The following PTK7 variants were observed in gnomAD, a reference collection of about 807,000 sequenced individuals.
PTK7 encodes inactive tyrosine-protein kinase 7.
Under a neutral mutation model 116.6 loss-of-function variants are expected in PTK7, and 39 were observed. The observed-to-expected ratio is 0.33, with a 90% CI of 0.26 to 0.44. The LOEUF (loss-of-function observed/expected upper bound fraction) is 0.44, where lower values mean the gene tolerates loss of function less well. Among genes scored for constraint, PTK7 ranks in the 20% least tolerant of loss-of-function variants. The probability of loss-of-function intolerance (pLI) is 1.00; values close to 1 mark genes in which losing one functional copy is unlikely to be tolerated. For synonymous variants in PTK7, 546 were observed against 563.6 expected (o/e 0.97, Z 0.44); for missense variants, 1,169 against 1,425.6 (o/e 0.82, Z 2.90).
intron 1 of PTK7, among the ~76,000 whole-genome samples, chr6:43,094,861 A>C (rs1171668127): frequency 5.9e-5 from 9 of 151,882 alleles, no homozygotes; most frequent in Admixed American, 5.9e-4. Context: ...CCTGACCAAC[A>C]TGGTGAAACC....
chr6:43,142,227 T>G lies in PTK7; in HGVS notation c.1975T>G (p.Ser659Ala). The G allele has an allele frequency of 6.2e-7, 1 of 1,614,096 alleles. No homozygotes were observed. Among genetic ancestry groups the G allele is most frequent in the Non-Finnish European group, 8.5e-7 (1 of 1,180,028 alleles). Reference protein sequence around the residue: ...LVIHDVAPEDSGRYTCIAGNS... With the variant: ...LVIHDVAPEDAGRYTCIAGNS... Reference sequence around the variant, plus strand: ...GATCCATGACGTGGCCCCTGAGGACTCAGGCCGCTACACCTGCATTGCAGG... The same window carrying G: ...GATCCATGACGTGGCCCCTGAGGACGCAGGCCGCTACACCTGCATTGCAGG... The change falls in exon 13 of 20, where the codon TCA becomes GCA. Residue 659 changes from serine to alanine, a missense_variant. Physicochemically the swap from Ser to Ala is moderately conservative, Grantham distance 99 (BLOSUM62 1). Coordinates refer to ENST00000230419, the MANE Select transcript of PTK7 (RefSeq NM_002821.5).
chr6:43,139,248 C>T lies in PTK7; in HGVS notation c.1475C>T (p.Ala492Val), dbSNP rs747269276. Residue 492 changes from alanine to valine, a missense_variant, in exon 9 of 20, where the codon GCG becomes GTG. Ala to Val is a moderately conservative substitution (Grantham distance 64, BLOSUM62 0). This residue lies in a region of PTK7 where 678 missense variants were observed against 853.8 expected (regional missense o/e 0.79). Transcript: ENST00000230419. This position sits in a 1 kb window ranked among gnomAD's most constrained non-coding sequence, Gnocchi z 4.6. ...AGCACCCCAGCCGGCAGCATCGAGG[C>T]GCAAGCCCGTGTCCAAGTGCTGGGT... ...MSSTPAGSIEAQARVQVLEKL... is the reference protein window; with the variant it reads ...MSSTPAGSIEVQARVQVLEKL... 15 of 1,614,102 alleles carry T rather than the reference C, an allele frequency of 9.3e-6. No individual in the cohort carries two copies. Among genetic ancestry groups the T allele is most frequent in the African/African-American group, 1.3e-5 (1 of 74,942 alleles).
intron 1 of PTK7, among the ~76,000 whole-genome samples, chr6:43,122,868 A>T (rs1274998911): frequency 1.3e-5 from 2 of 151,822 alleles, no homozygotes; most frequent in Non-Finnish European, 2.9e-5. Flanking sequence ...TGGACTCCCA[A>T]AGTGTTGGGA....
At chr6:43,085,423 A>G (rs532827896) in intron 1 of PTK7, among the ~76,000 whole-genome samples, 149 of 151,502 alleles carry the variant, frequency 9.8e-4, no homozygotes, top group Non-Finnish European at 1.6e-3. Context: ...TAATTTTTGT[A>G]TTTTCAGTAG....
intron 1 of PTK7, among the ~76,000 whole-genome samples, chr6:43,102,036 A>C (rs2150391461): frequency 6.6e-6 from 1 of 151,740 alleles, no homozygotes; most frequent in Admixed American, 6.6e-5. Context: ...TTTCTACTAA[A>C]AAAAATACAG....
At chr6:43,128,125 C>T (rs756416593) in intron 1 of PTK7, among the ~76,000 whole-genome samples, 1 of 152,154 alleles carries the variant, frequency 6.6e-6, no homozygotes, top group Non-Finnish European at 1.5e-5. Context: ...CTGGCACCGT[C>T]GAGGGGCATG....
In PTK7 at chr6:43,145,428, A is replaced by C. The variant is rs757347869; in HGVS notation, c.2636A>C (p.Asp879Ala). 1 of 1,563,692 alleles carries C rather than the reference A, an allele frequency of 6.4e-7. No individual in the cohort carries two copies. The highest frequency in any genetic ancestry group is 1.8e-5 in the Admixed American group (1 of 55,788). The change falls in exon 16 of 20, where the codon GAT becomes GCT. Residue 879 changes from aspartate to alanine, a missense_variant. Physicochemically the swap from Asp to Ala is moderately radical, Grantham distance 126. Around this residue, in one of 3 missense-constraint regions of PTK7, gnomAD observed 678 missense variants for 853.8 expected, o/e 0.79. Transcript: ENST00000230419. This position sits in a 1 kb window ranked among gnomAD's most constrained non-coding sequence, Gnocchi z 4.8. ...CACTACATGGTGCTGGAATATGTGG[A>C]TCTGGTATGCTGTTGGCAGGGGACG... ...EPHYMVLEYV[D>A]LGDLKQFLRI... is the part of the protein sequence containing the mutation.
Position 43,145,626 on chromosome 6 carries a change from T to G in PTK7, c.2640+194T>G. On this transcript the variant is annotated intron_variant, in intron 16 of 19. Transcript: ENST00000230419. The surrounding 1 kb of genome is among the most constrained non-coding windows in gnomAD (Gnocchi z 4.8). ...CTTCCCTGCTCTTGGATGCCTGCTTTCCCTTTATCAGCACCCAGTCTTTCC... is the reference window on the plus strand; with the variant it reads ...CTTCCCTGCTCTTGGATGCCTGCTTGCCCTTTATCAGCACCCAGTCTTTCC... 2 of 409,490 alleles carry G rather than the reference T, an allele frequency of 4.9e-6. No individual in the cohort carries two copies. The highest frequency in any genetic ancestry group is 8.6e-6 in the Non-Finnish European group (2 of 231,960). The allele number at this position is 409,490 out of a possible 1,614,324, so 25.4% of individuals were successfully genotyped here. A position where few individuals can be genotyped will look rare whatever the true frequency, so the allele number is the denominator to read the frequency against.
At chr6:43,077,016 C>T in intron 1 of PTK7, 2 of 1,420,716 alleles carry the variant, frequency 1.4e-6, no homozygotes, top group Non-Finnish European at 1.8e-6. Flanking sequence ...GGCCCGATGC[C>T]GGACAGACCT....
intron 1 of PTK7, among the ~76,000 whole-genome samples, chr6:43,077,574 C>G (rs1340277050): frequency 1.3e-5 from 2 of 152,112 alleles, no homozygotes; most frequent in Non-Finnish European, 2.9e-5. Context: ...CAGGAAAGCA[C>G]CAAGCCACCC....
chr6:43,127,983 C>T (rs1431766086), intron 1 of PTK7, among the ~76,000 whole-genome samples: 7 of 151,912 alleles, frequency 4.6e-5, no homozygotes. Flanking sequence ...TTGGCAGTAG[C>T]CCAGGTTTCT....
At chr6:43,114,915 G>A (rs185200479) in intron 1 of PTK7, among the ~76,000 whole-genome samples, 165 of 152,140 alleles carry the variant, frequency 1.1e-3, no homozygotes, top group African/African-American at 3.5e-3. Flanking sequence ...GGTGGCACGT[G>A]CCTGTAATCC....
At position 43,142,030 on chromosome 6, in the gene PTK7, TTCAGTGGAA is replaced by T; in HGVS notation, c.1869_1877del (p.Gln624_Lys626del). ...GCCCAGGGGGACCCCAAGCCGCTGA[TTCAGTGGAA>T]AGGCAAGGACCGCATCCTGGACCCC... On this transcript the variant is annotated inframe_deletion, in exon 12 of 20. Transcript: ENST00000230419. The T allele has an allele frequency of 6.2e-7, 1 of 1,613,824 alleles. No individual in the cohort carries two copies.
chr6:43,111,837 C>CTTT (rs34582469), intron 1 of PTK7, among the ~76,000 whole-genome samples: 5,781 of 137,152 alleles, frequency 0.042, 143 homozygotes, highest in South Asian at 0.056. Flanking sequence ...CCAGCTAATT[C>CTTT]TTTTTTTTTT....
chr6:43,136,334 C>CAA (rs59556544), intron 7 of PTK7, among the ~76,000 whole-genome samples: 7 of 133,368 alleles, frequency 5.2e-5, no homozygotes, highest in African/African-American at 1.3e-4. Flanking sequence ...GACTCCAACT[C>CAA]AAAAAAAAAA....
intron 5 of PTK7, chr6:43,131,715 A>T: frequency 7.2e-6 from 3 of 415,762 alleles, no homozygotes; most frequent in Non-Finnish European, 1.3e-5. Context: ...CTACAATTTA[A>T]GATGAGATTT....
chr6:43,130,513 G>A lies in PTK7; in HGVS notation c.664G>A (p.Glu222Lys), dbSNP rs772599771. ...CTCCCCCATCTTTCCCTCTCCAGATGAAAGCTTTGCCAGGGTGGTGCTGGC... is the reference window on the plus strand; with the variant it reads ...CTCCCCCATCTTTCCCTCTCCAGATAAAAGCTTTGCCAGGGTGGTGCTGGC... ...SQNFTLSIAD[E>K]SFARVVLAPQ... is the part of the protein sequence containing the mutation. Residue 222 changes from glutamate to lysine, a missense_variant and splice_region_variant, in exon 5 of 20, where the codon GAA becomes AAA. Coordinates refer to ENST00000230419, the MANE Select transcript of PTK7 (RefSeq NM_002821.5). 1 of 1,613,676 alleles carries A rather than the reference G, an allele frequency of 6.2e-7. No individual in the cohort carries two copies. Among genetic ancestry groups the A allele is most frequent in the South Asian group, 1.1e-5 (1 of 91,004 alleles).
chr6:43,131,029 TCACACACACACACACACA>T (rs3222659), intron 5 of PTK7, among the ~76,000 whole-genome samples: 54 of 133,838 alleles, frequency 4.0e-4, no homozygotes, highest in African/African-American at 1.1e-3. Context: ...GGCAAAGACA[TCACACACACACACACACA>T]CACACACACA....
At position 43,129,893 on chromosome 6, in the gene PTK7, T is replaced by C; in HGVS notation, c.470+64T>C. The C allele has an allele frequency of 2.0e-6, 3 of 1,483,272 alleles. No individual in the cohort carries two copies. The highest frequency in any genetic ancestry group is 2.8e-6 in the Non-Finnish European group (3 of 1,065,922). The allele number at this position is 1,483,272 out of a possible 1,614,324, so 91.9% of individuals were successfully genotyped here. A position where few individuals can be genotyped will look rare whatever the true frequency, so the allele number is the denominator to read the frequency against. ...CGGACAGGGATGTCTCCCCAAATCT[T>C]GGACTCTATGCGGATGTTACCTCGC... On this transcript the variant is annotated intron_variant, in intron 3 of 19. Coordinates refer to ENST00000230419, the MANE Select transcript of PTK7 (RefSeq NM_002821.5). The surrounding 1 kb of genome is among the most constrained non-coding windows in gnomAD (Gnocchi z 4.5).
Sources: allele counts gnomAD v4.1 joint callset (sites outside exome capture counted in the v4.1 genomes callset), GRCh38; gene constraint gnomAD v4.1.1; regional missense constraint gnomAD v4.1.1; non-coding constraint Gnocchi (gnomAD v3.1); transcripts MANE v1.5; gene names NCBI Gene and HGNC (gene_info 2026-07-23, HGNC 2026-07-21).